PPM1B: variants seen among roughly 807,000 people sequenced by gnomAD.
The protein encoded by PPM1B is protein phosphatase 1B.
In PPM1B, 22 loss-of-function variants were observed where a neutral mutation model predicts 43.0. The observed-to-expected ratio is 0.51, with a 90% CI of 0.37 to 0.73. The LOEUF is 0.73. Among genes scored for constraint, PPM1B ranks in the 30% least tolerant of loss-of-function variants. PPM1B has a pLI of 0.00. For missense variants in PPM1B, 632 were observed against 584.2 expected (o/e 1.08, Z -0.84); for synonymous variants, 217 against 197.9 (o/e 1.10, Z -0.81).
chr2:44,242,225 TATAAA>T (rs1462894620), intron 5 of PPM1B, among the ~76,000 whole-genome samples: 1 of 152,108 alleles, frequency 6.6e-6, no homozygotes, highest in East Asian at 1.9e-4. Context: ...TTTCTTAACA[TATAAA>T]AGAATGGTAC....
At chr2:44,232,942 G>T (rs537668083), downstream of PPM1B, 1 of 977,726 alleles carries the variant, frequency 1.0e-6, no homozygotes, top group African/African-American at 1.8e-5. Context: ...CTTGCTTCAA[G>T]ATAAAGTGTA....
intron 5 of PPM1B, among the ~76,000 whole-genome samples, chr2:44,227,256 T>C (rs1207879390): frequency 6.6e-6 from 1 of 152,180 alleles, no homozygotes; most frequent in African/African-American, 2.4e-5. Context: ...ATTACAGGCA[T>C]GAGCCACCAG....
At position 44,209,335 on chromosome 2, in the gene PPM1B, A is replaced by T; in HGVS notation, c.964+8A>T. On this transcript the variant is annotated splice_region_variant and intron_variant, in intron 3 of 5. Coordinates refer to ENST00000282412, the MANE Select transcript of PPM1B (RefSeq NM_002706.6). ...TGGAATCACGGGTTGAAGGTAAGAC[A>T]AATGCTTTTTAAAAATATAGACAGG... is the stretch of plus-strand genomic sequence containing the variant. The T allele has an allele frequency of 1.2e-6, 2 of 1,613,772 alleles. No individual in the cohort carries two copies. The highest frequency in any genetic ancestry group is 1.7e-6 in the Non-Finnish European group (2 of 1,179,842).
chr2:44,212,149 A>G (rs993545614), intron 3 of PPM1B, among the ~76,000 whole-genome samples: 5 of 152,156 alleles, frequency 3.3e-5, no homozygotes, highest in African/African-American at 1.2e-4. Flanking sequence ...TTCCTGTTCT[A>G]TTCATTGTAT....
At chr2:44,226,040 A>G (rs1032808902) in intron 5 of PPM1B, among the ~76,000 whole-genome samples, 1 of 147,266 alleles carries the variant, frequency 6.8e-6, no homozygotes, top group Non-Finnish European at 1.5e-5. Flanking sequence ...CAGTGGTGCC[A>G]TCTCAGCTCA....
intron 3 of PPM1B, chr2:44,209,562 ATGAGGT>A: frequency 1.3e-5 from 5 of 382,406 alleles, no homozygotes; most frequent in South Asian, 9.5e-5. Flanking sequence ...CGGGCAGATC[ATGAGGT>A]CAGATCGACA....
At chr2:44,232,443 A>T, downstream of PPM1B, 2 of 1,571,410 alleles carry the variant, frequency 1.3e-6, no homozygotes, top group Non-Finnish European at 8.6e-7. Context: ...ATTCTTGCGG[A>T]TTCCCAACGT....
At chr2:44,229,151 C>T (rs1670358852) in intron 5 of PPM1B, among the ~76,000 whole-genome samples, 1 of 150,338 alleles carries the variant, frequency 6.7e-6, no homozygotes, top group South Asian at 2.1e-4. Context: ...CATTGCCCTC[C>T]AGCCTGGGCA....
chr2:44,202,001 C>G lies in PPM1B; in HGVS notation c.802C>G (p.Leu268Val). 1 of 1,609,662 alleles carries G rather than the reference C, an allele frequency of 6.2e-7. No homozygotes were observed. ...VKSRLEVSDD[L>V]ENVCNWVVDT... ...ATCTAGGCTTGAGGTATCTGATGAC[C>G]TGGAAAATGTGTGCAATTGGGTAGT... The change falls in exon 2 of 6, where the codon CTG becomes GTG. Residue 268 changes from leucine (L) to valine (V), a missense_variant. This residue lies in a region of PPM1B where 392 missense variants were observed against 302.7 expected (regional missense o/e 1.29). Coordinates refer to ENST00000282412, the MANE Select transcript of PPM1B (RefSeq NM_002706.6).
intron 1 of PPM1B, among the ~76,000 whole-genome samples, chr2:44,170,234 C>G (rs1667265786): frequency 6.6e-6 from 1 of 152,148 alleles, no homozygotes; most frequent in Non-Finnish European, 1.5e-5. Context: ...TCAATTTCTT[C>G]TAAGAACAAC....
downstream of PPM1B, among the ~76,000 whole-genome samples, chr2:44,237,126 C>G (rs1464558138): frequency 6.6e-6 from 1 of 152,192 alleles, no homozygotes; most frequent in Non-Finnish European, 1.5e-5. Flanking sequence ...AATGAAGTTA[C>G]TTGCTTTTAG....
intron 1 of PPM1B, among the ~76,000 whole-genome samples, chr2:44,199,531 T>C (rs528272673): frequency 1.6e-4 from 25 of 152,152 alleles, no homozygotes; most frequent in Non-Finnish European, 3.1e-4. Context: ...TTCTGTTTCA[T>C]TTGCATTTAA....
In PPM1B at chr2:44,169,255, T is replaced by G. The variant is rs1243856324; in HGVS notation, c.-34T>G. The G allele has an allele frequency of 6.5e-6, 1 of 153,420 alleles. No individual in the cohort carries two copies. The highest frequency in any genetic ancestry group is 1.9e-4 in the East Asian group (1 of 5,186). The allele number at this position is 153,420 out of a possible 1,614,324, so 9.5% of individuals were successfully genotyped here. On this transcript the variant is annotated 5_prime_UTR_variant, in exon 1 of 6. Transcript: ENST00000282412. Reference sequence around the variant, plus strand: ...GCGCGAGCGAGGCGCCCTAGACATCTTCTCCCTCCCTTGCCTCAGGTAAGG... The same window carrying G: ...GCGCGAGCGAGGCGCCCTAGACATCGTCTCCCTCCCTTGCCTCAGGTAAGG...
intron 2 of PPM1B, among the ~76,000 whole-genome samples, chr2:44,207,183 T>G (rs1401229084): frequency 6.6e-6 from 1 of 152,180 alleles, no homozygotes; most frequent in Non-Finnish European, 1.5e-5. Flanking sequence ...TCCCATTGAA[T>G]TAGGAGGTGA....
chr2:44,233,383 G>A (rs1670523653), downstream of PPM1B: 1 of 983,680 alleles, frequency 1.0e-6, no homozygotes, highest in South Asian at 4.7e-5. Flanking sequence ...GTCACATAAG[G>A]TACTTGAAGA....
intron 5 of PPM1B, among the ~76,000 whole-genome samples, chr2:44,222,293 G>A (rs1670012386): frequency 6.6e-6 from 1 of 152,044 alleles, no homozygotes; most frequent in South Asian, 2.1e-4. Context: ...GGAAATATTT[G>A]TATTTATTCA....
At chr2:44,188,039 CGCACCCA>C (rs1400696488) in intron 1 of PPM1B, among the ~76,000 whole-genome samples, 11 of 152,204 alleles carry the variant, frequency 7.2e-5, no homozygotes, top group South Asian at 2.1e-4. Flanking sequence ...CGTGAGACAC[CGCACCCA>C]GCCTTCACCT....
intron 1 of PPM1B, among the ~76,000 whole-genome samples, chr2:44,175,424 T>C (rs1667535336): frequency 6.6e-6 from 1 of 152,206 alleles, no homozygotes; most frequent in African/African-American, 2.4e-5. Flanking sequence ...ATTTAGTCTG[T>C]AACCCTCCAG....
At position 44,222,079 on chromosome 2, in the gene PPM1B, C is replaced by T. The variant is rs190140325; in HGVS notation, c.1134+3542C>T. Among the ~76,000 whole-genome samples the T allele has an allele frequency of 3.6e-3, 547 of 152,068 alleles. 2 individuals are homozygous for T. The highest frequency in any genetic ancestry group is 5.3e-3 in the Non-Finnish European group (363 of 67,972). ...TCTTTTGGAAAATTTCCAGAAAAAG[C>T]AAAACTACATTTTGCTGTAAGTTGT... On this transcript the variant is annotated intron_variant, in intron 5 of 5. Transcript: ENST00000282412.
Sources: gnomAD v4.1 joint callset for allele counts (sites outside exome capture counted in the v4.1 genomes callset) on GRCh38, gnomAD v4.1.1 for gene constraint, gnomAD v4.1.1 regional missense constraint, MANE v1.5 for transcripts, NCBI Gene and HGNC (gene_info 2026-07-23, HGNC 2026-07-21) for gene names.